The following ANO3 variants were observed in gnomAD, a reference collection of about 807,000 sequenced individuals.
The protein encoded by ANO3 is anoctamin 3, also known as anoctamin-3.
Under a neutral mutation model 144.8 loss-of-function variants are expected in ANO3, and 99 were observed. The observed-to-expected ratio is 0.68, with a 90% CI of 0.58 to 0.81. ANO3 has a LOEUF of 0.81. Ranked by LOEUF, ANO3 falls within the 30% of genes least tolerant of loss-of-function variation. The probability of loss-of-function intolerance (pLI) is 0.00; values close to 1 mark genes in which losing one functional copy is unlikely to be tolerated. For missense variants in ANO3, 905 were observed against 1,202.2 expected, an observed-to-expected ratio of 0.75 and a Z score of 3.66; for synonymous variants, 414 against 392.6, an observed-to-expected ratio of 1.05 and a Z score of -0.64.
At chr11:26,377,633 C>T (rs1341830303) in intron 1 of ANO3, among the ~76,000 whole-genome samples, 2 of 152,092 alleles carry the variant, frequency 1.3e-5, no homozygotes, top group Non-Finnish European at 2.9e-5. Context: ...ATGGTGGAAG[C>T]TTACTGAACT....
chr11:26,620,881 G>A (rs1252852015), intron 17 of ANO3, among the ~76,000 whole-genome samples: 4 of 152,212 alleles, frequency 2.6e-5, no homozygotes, highest in South Asian at 2.1e-4. Context: ...AAGAAAAGAG[G>A]TAATGTCAAA....
intron 14 of ANO3, among the ~76,000 whole-genome samples, chr11:26,568,603 C>CT (rs1850692750): frequency 6.6e-6 from 1 of 151,860 alleles, no homozygotes; most frequent in Non-Finnish European, 1.5e-5. Flanking sequence ...ACTAAATATG[C>CT]TTTTGCTGTA....
upstream of ANO3, among the ~76,000 whole-genome samples, chr11:26,331,053 T>C (rs952444181): frequency 6.6e-6 from 1 of 152,122 alleles, no homozygotes; most frequent in Non-Finnish European, 1.5e-5. Flanking sequence ...TACTGAAAAA[T>C]GTGTTCAGCT....
chr11:26,331,126 C>A (rs1855027735), upstream of ANO3, among the ~76,000 whole-genome samples: 1 of 152,074 alleles, frequency 6.6e-6, no homozygotes, highest in Non-Finnish European at 1.5e-5. Context: ...AAAGTGGGAG[C>A]TGAATGATGA....
chr11:26,434,352 T>C (rs1017999502), intron 1 of ANO3, among the ~76,000 whole-genome samples: 1 of 152,104 alleles, frequency 6.6e-6, no homozygotes, highest in Non-Finnish European at 1.5e-5. Context: ...TTGGCCTATG[T>C]ACATCATTAA....
At chr11:26,586,461 A>G (rs1285337354) in intron 14 of ANO3, among the ~76,000 whole-genome samples, 1 of 144,648 alleles carries the variant, frequency 6.9e-6, no homozygotes, top group Non-Finnish European at 1.5e-5. Context: ...TTGATTGTTC[A>G]ATATATAAAA....
chr11:26,647,261 C>CT, intron 23 of ANO3, among the ~76,000 whole-genome samples: 2 of 152,172 alleles, frequency 1.3e-5, no homozygotes, highest in East Asian at 1.9e-4. Context: ...ACTAGTTTTG[C>CT]TTTTTTTGTA....
chr11:26,595,061 A>G (rs1360676284), intron 14 of ANO3, among the ~76,000 whole-genome samples: 1 of 152,198 alleles, frequency 6.6e-6, no homozygotes, highest in Non-Finnish European at 1.5e-5. Context: ...AAAAAAGAAC[A>G]TAGGGATGCC....
At chr11:26,366,417 CTT>C (rs937352565) in intron 1 of ANO3, among the ~76,000 whole-genome samples, 15 of 152,032 alleles carry the variant, frequency 9.9e-5, no homozygotes, top group African/African-American at 2.2e-4. Flanking sequence ...GGTTCCAAGT[CTT>C]TGCTATTGTG....
chr11:26,366,956 A>T (rs1250024391), intron 1 of ANO3, among the ~76,000 whole-genome samples: 2 of 152,192 alleles, frequency 1.3e-5, no homozygotes, highest in Non-Finnish European at 2.9e-5. Flanking sequence ...AATACCAAAC[A>T]TCTACAACTA....
At chr11:26,298,311 GA>G (rs1854139598) in intron 1 of ANO3, among the ~76,000 whole-genome samples, 1 of 152,028 alleles carries the variant, frequency 6.6e-6, no homozygotes, top group South Asian at 2.1e-4. Flanking sequence ...ATAGGAGAGA[GA>G]AAACAGGCCA....
At chr11:26,435,229 A>T (rs1247086002) in intron 1 of ANO3, among the ~76,000 whole-genome samples, 2 of 152,144 alleles carry the variant, frequency 1.3e-5, no homozygotes, top group African/African-American at 4.8e-5. Context: ...ATTTTTCTTT[A>T]AGAATGTGAA....
At chr11:26,447,675 TTTG>T (rs1056779280) in intron 3 of ANO3, among the ~76,000 whole-genome samples, 2 of 152,218 alleles carry the variant, frequency 1.3e-5, no homozygotes, top group Non-Finnish European at 1.5e-5. Flanking sequence ...TGATTTTTTT[TTTG>T]TTTTCTTCTT....
chr11:26,541,361 G>A (rs1849639214), intron 10 of ANO3, among the ~76,000 whole-genome samples: 1 of 152,038 alleles, frequency 6.6e-6, no homozygotes, highest in Non-Finnish European at 1.5e-5. Context: ...AGATTGCAGG[G>A]TGCAGCAAAC....
At chr11:26,443,252 C>A (rs1184070359) in intron 2 of ANO3, among the ~76,000 whole-genome samples, 1 of 152,054 alleles carries the variant, frequency 6.6e-6, no homozygotes. Context: ...GCAAACTGTT[C>A]AAGAAGATGA....
chr11:26,202,331 A>G (rs1851713342), intron 1 of ANO3, among the ~76,000 whole-genome samples: 1 of 146,214 alleles, frequency 6.8e-6, no homozygotes, highest in Non-Finnish European at 1.5e-5. Context: ...TACATATGAT[A>G]TATATAATAT....
intron 4 of ANO3, among the ~76,000 whole-genome samples, chr11:26,465,148 GTGTGTGTGTGTGTC>G (rs1247387140): frequency 6.7e-5 from 10 of 149,200 alleles, no homozygotes; most frequent in African/African-American, 2.0e-4. Flanking sequence ...GTGTGTGTGT[GTGTGTGTGTGTGTC>G]TGTGTGTGAA....
intron 11 of ANO3, among the ~76,000 whole-genome samples, chr11:26,544,251 CATATATATATATATATATATAT>C (rs1554967685): frequency 5.2e-5 from 2 of 38,454 alleles, no homozygotes; most frequent in Non-Finnish European, 1.2e-4. Context: ...TTTCATTATA[CATATATATATATATATATATAT>C]ACACACATAC....
chr11:26,195,632 G>A (rs867617817), intron 1 of ANO3, among the ~76,000 whole-genome samples: 33 of 152,254 alleles, frequency 2.2e-4, no homozygotes, highest in African/African-American at 7.9e-4. Flanking sequence ...ATATGACAGT[G>A]AGGCCAAAAG....
Sources: allele counts gnomAD v4.1 joint callset (sites outside exome capture counted in the v4.1 genomes callset), GRCh38; gene constraint gnomAD v4.1.1; transcripts MANE v1.5; gene names NCBI Gene and HGNC (gene_info 2026-07-23, HGNC 2026-07-21).